AKAP13: variants seen among roughly 807,000 people sequenced by gnomAD.
The protein encoded by AKAP13 is A-kinase anchoring protein 13.
AKAP13 carries 80 observed loss-of-function variants against 264.5 expected under a neutral mutation model. That is an observed-to-expected ratio of 0.30 (90% CI 0.25 to 0.36). The LOEUF is 0.36. Among genes scored for constraint, AKAP13 ranks in the 10% least tolerant of loss-of-function variants. The pLI is 1.00. For missense variants in AKAP13, 3,712 were observed against 3,435.2 expected (o/e 1.08, Z -2.01); for synonymous variants, 1,380 against 1,250.2 (o/e 1.10, Z -2.19).
chr15:85,455,162 T>C (rs2074240737), intron 1 of AKAP13, among the ~76,000 whole-genome samples: 1 of 152,224 alleles, frequency 6.6e-6, no homozygotes. Context: ...GTCTGCCTTT[T>C]AATGTATTAA....
chr15:85,481,490 A>G (rs889599385), intron 1 of AKAP13, among the ~76,000 whole-genome samples: 4 of 152,228 alleles, frequency 2.6e-5, no homozygotes, highest in African/African-American at 7.2e-5. Context: ...TCTTATTTTG[A>G]CATAAAGTGA....
In AKAP13 at chr15:85,723,332, C is replaced by T. The variant is rs774657729; in HGVS notation, c.6745+12C>T. The T allele has an allele frequency of 1.2e-6, 2 of 1,613,018 alleles. No homozygotes were observed. Among genetic ancestry groups the T allele is most frequent in the South Asian group, 1.1e-5 (1 of 91,042 alleles). ...AGGAAGGTTGAAAGGTAAGGCTTGGCTCTTTTGTCTTAAGTATGTGCCCAG... is the reference window on the plus strand; with the variant it reads ...AGGAAGGTTGAAAGGTAAGGCTTGGTTCTTTTGTCTTAAGTATGTGCCCAG... On this transcript the variant is annotated intron_variant, in intron 26 of 36. Transcript: ENST00000394518.
intron 3 of AKAP13, among the ~76,000 whole-genome samples, chr15:85,531,640 C>T (rs538310628): frequency 3.9e-5 from 6 of 152,254 alleles, no homozygotes; most frequent in South Asian, 4.1e-4. Flanking sequence ...GCATAAATAC[C>T]GCATATACAT....
chr15:85,413,671 A>G (rs1015802638), intron 1 of AKAP13, among the ~76,000 whole-genome samples: 1 of 152,216 alleles, frequency 6.6e-6, no homozygotes, highest in South Asian at 2.1e-4. Flanking sequence ...AACATGTGTC[A>G]TCACGGTTTC....
chr15:85,599,003 C>T (rs556351610), intron 8 of AKAP13, among the ~76,000 whole-genome samples: 4 of 152,296 alleles, frequency 2.6e-5, no homozygotes, highest in Non-Finnish European at 5.9e-5. Context: ...GTAGTCAACA[C>T]AATAGGCTAT....
At position 85,735,097 on chromosome 15, in the gene AKAP13, G is replaced by A. The variant is rs140687997; in HGVS notation, c.7388G>A (p.Arg2463Gln). The A allele has an allele frequency of 3.3e-5, 54 of 1,614,024 alleles. No homozygotes were observed. The highest frequency in any genetic ancestry group is 5.3e-5 in the African/African-American group (4 of 74,924). ...GTGGTCGGTCCCGTTTCCCTGCCCCGGAGAGCAGAGACCTTTGGAGGATTT... is the reference window on the plus strand; with the variant it reads ...GTGGTCGGTCCCGTTTCCCTGCCCCAGAGAGCAGAGACCTTTGGAGGATTT... Reference protein sequence around the residue: ...QDVVGPVSLPRRAETFGGFDS... With the variant: ...QDVVGPVSLPQRAETFGGFDS... The change falls in exon 31 of 37, where the codon CGG becomes CAG. Residue 2463 changes from arginine (R) to glutamine (Q), a missense_variant. Around this residue, in one of 3 missense-constraint regions of AKAP13, gnomAD observed 611 missense variants for 539.3 expected, o/e 1.13. Transcript: ENST00000394518.
intron 2 of AKAP13, among the ~76,000 whole-genome samples, chr15:85,501,152 C>G (rs749473542): frequency 3.3e-5 from 5 of 152,132 alleles, no homozygotes; most frequent in African/African-American, 7.2e-5. Context: ...TTCCTAAATT[C>G]TACTTTGAGT....
intron 10 of AKAP13, among the ~76,000 whole-genome samples, chr15:85,650,691 G>A (rs1337553352): frequency 2.9e-5 from 4 of 140,142 alleles, no homozygotes; most frequent in Non-Finnish European, 6.1e-5. Context: ...GGGAGGTGGA[G>A]GTTGCAGTGA....
At chr15:85,620,210 C>A (rs2081119134) in intron 8 of AKAP13, 1 of 1,530,550 alleles carries the variant, frequency 6.5e-7, no homozygotes, top group East Asian at 2.4e-5. Context: ...TGAAGCTCTG[C>A]AGGCTGTTTT....
chr15:85,623,902 C>T (rs1207810106), intron 8 of AKAP13, among the ~76,000 whole-genome samples: 1 of 152,242 alleles, frequency 6.6e-6, no homozygotes, highest in Non-Finnish European at 1.5e-5. Flanking sequence ...TTGGCATGGG[C>T]CCTTTGGTAC....
intron 8 of AKAP13, among the ~76,000 whole-genome samples, chr15:85,598,172 T>C (rs1052551768): frequency 6.6e-6 from 1 of 152,084 alleles, no homozygotes; most frequent in African/African-American, 2.4e-5. Context: ...CTGAAGACAA[T>C]GGGTTGGTTT....
At chr15:85,650,686 G>A (rs1276769338) in intron 10 of AKAP13, among the ~76,000 whole-genome samples, 2 of 137,004 alleles carry the variant, frequency 1.5e-5, no homozygotes, top group Non-Finnish European at 3.1e-5. Context: ...AACCTGGGAG[G>A]TGGAGGTTGC....
At chr15:85,550,707 A>G (rs1222362983) in intron 5 of AKAP13, among the ~76,000 whole-genome samples, 1 of 152,228 alleles carries the variant, frequency 6.6e-6, no homozygotes, top group Non-Finnish European at 1.5e-5. Flanking sequence ...ATGTACAGAC[A>G]TACCTTAAAA....
At chr15:85,682,900 C>T (rs2084675765) in intron 15 of AKAP13, among the ~76,000 whole-genome samples, 1 of 152,008 alleles carries the variant, frequency 6.6e-6, no homozygotes, top group South Asian at 2.1e-4. Flanking sequence ...CTCCCGACCT[C>T]AGGTGATCCA....
chr15:85,613,686 A>T (rs1401729595), intron 8 of AKAP13, among the ~76,000 whole-genome samples: 14 of 62,790 alleles, frequency 2.2e-4, no homozygotes, highest in African/African-American at 7.8e-4. Flanking sequence ...GTCTAAAAAA[A>T]AAAAAATATA....
intron 1 of AKAP13, among the ~76,000 whole-genome samples, chr15:85,396,880 T>A (rs1285445269): frequency 6.6e-6 from 1 of 151,616 alleles, no homozygotes; most frequent in Non-Finnish European, 1.5e-5. Flanking sequence ...GCAGTTTTTT[T>A]GAGTCCTCTC....
chr15:85,612,290 T>G (rs1168016930), intron 8 of AKAP13, among the ~76,000 whole-genome samples: 3 of 152,248 alleles, frequency 2.0e-5, no homozygotes, highest in Admixed American at 6.5e-5. Context: ...TTTATTATGC[T>G]TTGAATAGGT....
At chr15:85,641,453 TAAATAAATAAA>T in intron 9 of AKAP13, among the ~76,000 whole-genome samples, 1 of 1,046 alleles carries the variant, frequency 9.6e-4, no homozygotes, top group Admixed American at 0.015. Context: ...CTCAAATAAA[TAAATAAATAAA>T]TAAATAAATA....
chr15:85,628,605 T>A (rs902505671), intron 8 of AKAP13, among the ~76,000 whole-genome samples: 1 of 152,212 alleles, frequency 6.6e-6, no homozygotes, highest in Non-Finnish European at 1.5e-5. Context: ...TCATTGTTAA[T>A]TAACTGCTGG....
Sources: gnomAD v4.1 joint callset for allele counts (sites outside exome capture counted in the v4.1 genomes callset) on GRCh38, gnomAD v4.1.1 for gene constraint, gnomAD v4.1.1 regional missense constraint, MANE v1.5 for transcripts, NCBI Gene and HGNC (gene_info 2026-07-23, HGNC 2026-07-21) for gene names.